Variants in DLC1 observed in about 807,000 individuals in gnomAD.
The protein encoded by DLC1 is rho GTPase-activating protein 7.
A neutral mutation model predicts 140.3 loss-of-function variants in DLC1; 54 were observed. The observed-to-expected ratio is 0.38, with a 90% CI of 0.31 to 0.48. The LOEUF is 0.48. Ranked by LOEUF, DLC1 falls within the 20% of genes least tolerant of loss-of-function variation. The pLI, the probability that DLC1 is intolerant of heterozygous loss-of-function variation, is 0.96. For missense variants in DLC1, 2,536 were observed against 1,907.0 expected (o/e 1.33, Z -6.14); for synonymous variants, 986 against 728.1 (o/e 1.35, Z -5.70).
intron 5 of DLC1, among the ~76,000 whole-genome samples, chr8:13,167,502 C>T (rs57068906): frequency 2.0e-5 from 3 of 152,142 alleles, no homozygotes; most frequent in East Asian, 1.9e-4. Context: ...GGGGAAACCT[C>T]GGTATTTTAT....
chr8:13,314,931 G>A (rs1832807252), intron 4 of DLC1, among the ~76,000 whole-genome samples: 3 of 152,064 alleles, frequency 2.0e-5, no homozygotes, highest in African/African-American at 4.8e-5. Context: ...TATTATGCGT[G>A]GTCTAACCTA....
At chr8:13,557,914 A>C (rs985687853) in intron 1 of DLC1, 1 of 152,198 alleles carries the variant, frequency 6.6e-6, no homozygotes, top group Non-Finnish European at 1.5e-5. Flanking sequence ...CACACAAACC[A>C]GATGATCTTT....
chr8:13,356,344 A>G (rs1243873670), intron 4 of DLC1, among the ~76,000 whole-genome samples: 2 of 152,158 alleles, frequency 1.3e-5, no homozygotes, highest in Non-Finnish European at 2.9e-5. Context: ...ATTTAGTCTT[A>G]AATAGCATAA....
intron 2 of DLC1, among the ~76,000 whole-genome samples, chr8:13,404,635 T>G (rs1421343701): frequency 6.6e-6 from 1 of 152,118 alleles, no homozygotes; most frequent in African/African-American, 2.4e-5. Context: ...TACTAAGGAA[T>G]TACCTGAGCA....
intron 5 of DLC1, among the ~76,000 whole-genome samples, chr8:13,135,152 C>G (rs1330455824): frequency 6.6e-6 from 1 of 151,792 alleles, no homozygotes; most frequent in Admixed American, 6.6e-5. Flanking sequence ...GTTTCAGTCC[C>G]CTGCGTGACT....
rs138113303 is a variant in DLC1, at chr8:13,581,739, C to T, written c.-126+22798G>A. On this transcript the variant is annotated intron_variant, in intron 1 of 1. Coordinates refer to the DLC1 transcript ENST00000631382. ...CTGGGCAGAATCTATTCTATCGCTTCCCATAGAATAACACCCAACCTCTTT... is the reference window on the plus strand; with the variant it reads ...CTGGGCAGAATCTATTCTATCGCTTTCCATAGAATAACACCCAACCTCTTT... Among the ~76,000 whole-genome samples, 210 of 152,276 alleles carry T rather than the reference C, an allele frequency of 1.4e-3. 1 individual carries two copies. Among genetic ancestry groups the T allele is most frequent in the African/African-American group, 3.5e-3 (144 of 41,562 alleles).
intron 5 of DLC1, among the ~76,000 whole-genome samples, chr8:13,198,839 C>A (rs1407922674): frequency 6.6e-6 from 1 of 151,902 alleles, no homozygotes; most frequent in Non-Finnish European, 1.5e-5. Context: ...GCCTCAGCCT[C>A]CCAAGTAGCT....
At chr8:13,570,731 T>C (rs1235569210) in intron 1 of DLC1, among the ~76,000 whole-genome samples, 1 of 152,056 alleles carries the variant, frequency 6.6e-6, no homozygotes, top group Non-Finnish European at 1.5e-5. Flanking sequence ...TAACTTCCCT[T>C]TTCACCTGGC....
chr8:13,181,012 T>G (rs1563142406), intron 5 of DLC1, among the ~76,000 whole-genome samples: 1 of 152,126 alleles, frequency 6.6e-6, no homozygotes, highest in Non-Finnish European at 1.5e-5. Context: ...ATTTTGAAAT[T>G]TATCAGCAAA....
intron 1 of DLC1, among the ~76,000 whole-genome samples, chr8:13,538,019 A>G (rs1803351721): frequency 6.6e-6 from 1 of 152,156 alleles, no homozygotes; most frequent in East Asian, 1.9e-4. Context: ...TACATCCATT[A>G]CTTTATGTAA....
At chr8:13,183,727 A>C (rs192737104) in intron 5 of DLC1, among the ~76,000 whole-genome samples, 2 of 152,196 alleles carry the variant, frequency 1.3e-5, no homozygotes, top group African/African-American at 4.8e-5. Flanking sequence ...CCAGTATTTT[A>C]CTGAGGATTT....
At chr8:13,200,225 G>GTA (rs774116375) in intron 5 of DLC1, among the ~76,000 whole-genome samples, 12 of 150,880 alleles carry the variant, frequency 8.0e-5, no homozygotes, top group Admixed American at 2.6e-4. Flanking sequence ...TCTATTTTTT[G>GTA]TATATATATA....
intron 5 of DLC1, among the ~76,000 whole-genome samples, chr8:13,293,195 A>C (rs1449103239): frequency 6.6e-6 from 1 of 152,262 alleles, no homozygotes; most frequent in Non-Finnish European, 1.5e-5. Flanking sequence ...GCACTACTGC[A>C]TTCCAGCTTG....
chr8:13,535,746 T>C (rs901800035), intron 1 of DLC1, among the ~76,000 whole-genome samples: 10 of 151,298 alleles, frequency 6.6e-5, no homozygotes, highest in African/African-American at 2.2e-4. Flanking sequence ...TCAGAGATTA[T>C]CATCTAAGTC....
At chr8:13,514,580 A>C (rs1401573604) in intron 1 of DLC1, 22 bp downstream of exon 1, 5 of 398,416 alleles carry the variant, frequency 1.3e-5, no homozygotes, top group Non-Finnish European at 2.2e-5. Context: ...TCAAAGCATA[A>C]AGATAGTCCA....
chr8:13,547,743 C>G (rs1204064012), intron 1 of DLC1, among the ~76,000 whole-genome samples: 1 of 152,084 alleles, frequency 6.6e-6, no homozygotes, highest in South Asian at 2.1e-4. Context: ...ACTCATCTAT[C>G]AATCCCTAAC....
At chr8:13,412,931 CAAA>C (rs771025112) in intron 2 of DLC1, among the ~76,000 whole-genome samples, 11,174 of 93,968 alleles carry the variant, frequency 0.12, 536 homozygotes, top group Middle Eastern at 0.21. Flanking sequence ...GACTCCATCT[CAAA>C]AAAAAAAAAA....
At chr8:13,476,143 G>T (rs1800423992) in intron 2 of DLC1, among the ~76,000 whole-genome samples, 1 of 152,210 alleles carries the variant, frequency 6.6e-6, no homozygotes, top group Admixed American at 6.5e-5. Context: ...TTGTGCTTTA[G>T]ATAGAATAAA....
chr8:13,293,606 C>T (rs974060688), intron 5 of DLC1, among the ~76,000 whole-genome samples: 3 of 152,142 alleles, frequency 2.0e-5, no homozygotes, highest in African/African-American at 7.2e-5. Flanking sequence ...TGACAAAAAA[C>T]GAAACGGGAG....
Sources: gnomAD v4.1 joint callset for allele counts (sites outside exome capture counted in the v4.1 genomes callset) on GRCh38, gnomAD v4.1.1 for gene constraint, MANE v1.5 for transcripts, NCBI Gene and HGNC (gene_info 2026-07-23, HGNC 2026-07-21) for gene names.